PABPC1: variants seen among roughly 807,000 people sequenced by gnomAD.
PABPC1 encodes the protein poly(A) binding protein cytoplasmic 1, also known as polyadenylate-binding protein 1.
In PABPC1, 4 loss-of-function variants were observed where a neutral mutation model predicts 74.0. The observed-to-expected ratio is 0.05, with a 90% CI of 0.03 to 0.12. The LOEUF is 0.12. PABPC1 is among the 10% of genes least tolerant of loss of function. The pLI is 1.00. For synonymous variants in PABPC1, 227 were observed against 264.1 expected, an observed-to-expected ratio of 0.86 and a Z score of 1.36; for missense variants, 271 against 821.1, an observed-to-expected ratio of 0.33 and a Z score of 8.19.
At chr8:100,718,303 G>A (rs755692890) in intron 1 of PABPC1, 23 bp from the exon 2 acceptor site, 2 of 1,593,918 alleles carry the variant, frequency 1.3e-6, no homozygotes, top group South Asian at 1.1e-5. Context: ...CATTTTCAGA[G>A]TCAATATTAC....
intron 4 of PABPC1, 136 bp from the exon 5 acceptor site, chr8:100,713,317 C>T: frequency 1.9e-6 from 1 of 515,166 alleles, no homozygotes; most frequent in Non-Finnish European, 3.4e-6. Flanking sequence ...CCTTCTATGC[C>T]CCAGGTAGGT....
Position 100,713,114 on chromosome 8 carries a change from G to T in PABPC1, c.711C>A (p.Ser237Arg). Reference sequence around the variant, plus strand: ...TCTGTGCATCTTCATGCCTTTCAAAGCTTACAAATCCAAATCCTTTGGATT... The same window carrying T: ...TCTGTGCATCTTCATGCCTTTCAAATCTTACAAATCCAAATCCTTTGGATT... ...SGKSKGFGFV[S>R]FERHEDAQKA... Residue 237 changes from serine (S) to arginine (R), a missense_variant, in exon 5 of 15, where the codon AGC becomes AGA. Transcript: ENST00000318607. 1.2e-6 allele frequency: 2 copies of T among 1,611,234 alleles called. No homozygotes were observed. Among genetic ancestry groups the T allele is most frequent in the Admixed American group, 1.7e-5 (1 of 59,520 alleles).
At chr8:100,720,781 A>AT (rs1268585242) in intron 1 of PABPC1, among the ~76,000 whole-genome samples, 3 of 152,168 alleles carry the variant, frequency 2.0e-5, no homozygotes, top group African/African-American at 7.2e-5. Flanking sequence ...TCAGTCACTG[A>AT]TGAGTTCTGG....
intron 9 of PABPC1, 151 bp downstream of exon 9, chr8:100,708,982 A>C (rs1028190477): frequency 4.4e-6 from 3 of 688,730 alleles, no homozygotes; most frequent in Non-Finnish European, 7.6e-6. Flanking sequence ...CTATCTTAGC[A>C]CTGCTTTTAA....
In PABPC1 at chr8:100,721,853, G is replaced by C. The variant is rs1250980382; in HGVS notation, c.-270C>G. The C allele has an allele frequency of 2.8e-6, 1 of 351,466 alleles. No individual in the cohort carries two copies. The highest frequency in any genetic ancestry group is 5.1e-6 in the Non-Finnish European group (1 of 195,682). The allele number at this position is 351,466 out of a possible 1,614,324, so 21.8% of individuals were successfully genotyped here. On this transcript the variant is annotated 5_prime_UTR_variant, in exon 1 of 15. Coordinates refer to ENST00000318607, the MANE Select transcript of PABPC1 (RefSeq NM_002568.4). The surrounding 1 kb of genome is among the most constrained non-coding windows in gnomAD (Gnocchi z 7.4). ...GGTCTCTTGGTTCCTTCTTGGAGCT[G>C]CTGCGGGGCCGCGGGCGGGCGGGTC...
At chr8:100,711,997 C>T (rs1380004218) in intron 7 of PABPC1, among the ~76,000 whole-genome samples, 1 of 152,172 alleles carries the variant, frequency 6.6e-6, no homozygotes, top group African/African-American at 2.4e-5. Context: ...ATTCTTACTG[C>T]TAGGGGGCAG....
rs1450187668 is a variant in PABPC1, at chr8:100,713,174, G to C, written c.651C>G (p.Ala217=). 2 of 1,591,858 alleles carry C rather than the reference G, an allele frequency of 1.3e-6. No homozygotes were observed. The highest frequency in any genetic ancestry group is 2.7e-5 in the African/African-American group (2 of 73,526). ...CATCAGTCATTACTTTCACACTTAAGGCAGGCCCTAAAAAATTTTTTTACA... is the reference window on the plus strand; with the variant it reads ...CATCAGTCATTACTTTCACACTTAACGCAGGCCCTAAAAAATTTTTTTACA... ...LKDLFGKFGP[A]LSVKVMTDES... Residue 217 remains alanine (A), a synonymous_variant, in exon 5 of 15, where the codon GCC becomes GCG. Transcript: ENST00000318607.
chr8:100,709,991 G>A (rs759769983), intron 7 of PABPC1: 1 of 362,572 alleles, frequency 2.8e-6, no homozygotes, highest in Admixed American at 4.2e-5. Context: ...AAAGATTTTA[G>A]ATACTGAATT....
intron 11 of PABPC1, 59 bp downstream of exon 11, chr8:100,706,592 C>T (rs941760682): frequency 7.9e-5 from 120 of 1,510,346 alleles, no homozygotes; most frequent in Admixed American, 8.6e-5. Flanking sequence ...CAGCTGTCTT[C>T]ACACCTTTGA....
chr8:100,716,861 T>C (rs1025696882), intron 3 of PABPC1, among the ~76,000 whole-genome samples: 1 of 152,220 alleles, frequency 6.6e-6, no homozygotes, highest in Non-Finnish European at 1.5e-5. Context: ...GAAAGACACT[T>C]TGTGTATTTC....
In PABPC1 at chr8:100,721,956, T is replaced by C. The variant is rs546018780; in HGVS notation, c.-373A>G. ...AAGTCTCCGGCGGGGGAGACGCGGATTTTTTGTAAATTTTTTTGGGGTTTT... is the reference window on the plus strand; with the variant it reads ...AAGTCTCCGGCGGGGGAGACGCGGACTTTTTGTAAATTTTTTTGGGGTTTT... On this transcript the variant is annotated 5_prime_UTR_variant, in exon 1 of 15. Transcript: ENST00000318607. The surrounding 1 kb of genome is among the most constrained non-coding windows in gnomAD (Gnocchi z 7.4). 4 of 194,352 alleles carry C rather than the reference T, an allele frequency of 2.1e-5. No homozygotes were observed. In the East Asian group the frequency reaches 3.6e-4, roughly 17 times the overall value. The allele number at this position is 194,352 out of a possible 1,614,324, so 12.0% of individuals were successfully genotyped here. A position where few individuals can be genotyped will look rare whatever the true frequency, so the allele number is the denominator to read the frequency against.
At position 100,721,642 on chromosome 8, in the gene PABPC1, G is replaced by A. The variant is rs985354048; in HGVS notation, c.-59C>T. 21 of 1,332,862 alleles carry A rather than the reference G, an allele frequency of 1.6e-5. No homozygotes were observed. The highest frequency in any genetic ancestry group is 1.9e-5 in the Non-Finnish European group (19 of 1,015,392). The allele number at this position is 1,332,862 out of a possible 1,614,324, so 82.6% of individuals were successfully genotyped here. On this transcript the variant is annotated 5_prime_UTR_variant, in exon 1 of 15. Transcript: ENST00000318607. This position sits in a 1 kb window ranked among gnomAD's most constrained non-coding sequence, Gnocchi z 7.4. ...GACCTTTCCGTGAGAGGAGGAGAGCGAGTGCCGGGGCTGGGGGCCGGAGCC... is the reference window on the plus strand; with the variant it reads ...GACCTTTCCGTGAGAGGAGGAGAGCAAGTGCCGGGGCTGGGGGCCGGAGCC...
intron 12 of PABPC1, among the ~76,000 whole-genome samples, 195 bp downstream of exon 12, chr8:100,705,394 T>C (rs1810354227): frequency 6.6e-6 from 1 of 152,262 alleles, no homozygotes. Context: ...TACTACCCTA[T>C]TTATTACTAA....
rs79779017 is a variant in PABPC1, at chr8:100,703,118, T to C, written c.*243A>G. On this transcript the variant is annotated 3_prime_UTR_variant, in exon 15 of 15. Coordinates refer to ENST00000318607, the MANE Select transcript of PABPC1 (RefSeq NM_002568.4). Reference sequence around the variant, plus strand: ...TTTCCCAGGGTCTATAAAACATTAATTTGTTTTTATATTTTACTATTTTTT... The same window carrying C: ...TTTCCCAGGGTCTATAAAACATTAACTTGTTTTTATATTTTACTATTTTTT... 6.3e-6 allele frequency: 1 copy of C among 158,022 alleles called. No individual in the cohort carries two copies. The highest frequency in any genetic ancestry group is 1.5e-5 in the Non-Finnish European group (1 of 66,324). 9.8% of individuals were successfully genotyped at this position (158,022 alleles called of 1,614,324 possible).
rs577236896 is a variant in PABPC1, at chr8:100,721,632, G to A, written c.-49C>T. 155 of 1,402,600 alleles carry A rather than the reference G, an allele frequency of 1.1e-4. No individual in the cohort carries two copies. Among genetic ancestry groups the A allele is most frequent in the Middle Eastern group, 8.0e-4 (3 of 3,742 alleles). The allele number at this position is 1,402,600 out of a possible 1,614,324, so 86.9% of individuals were successfully genotyped here. ...CACAGGCCGCGACCTTTCCGTGAGA[G>A]GAGGAGAGCGAGTGCCGGGGCTGGG... On this transcript the variant is annotated 5_prime_UTR_variant, in exon 1 of 15. Coordinates refer to ENST00000318607, the MANE Select transcript of PABPC1 (RefSeq NM_002568.4). This position sits in a 1 kb window ranked among gnomAD's most constrained non-coding sequence, Gnocchi z 7.4.
intron 3 of PABPC1, among the ~76,000 whole-genome samples, chr8:100,716,669 C>G (rs1190928826): frequency 6.6e-6 from 1 of 152,212 alleles, no homozygotes; most frequent in Non-Finnish European, 1.5e-5. Flanking sequence ...CCATCACTTT[C>G]TGCTTTGTAA....
intron 7 of PABPC1, among the ~76,000 whole-genome samples, chr8:100,710,385 A>G (rs1446568359): frequency 6.6e-6 from 1 of 152,234 alleles, no homozygotes; most frequent in East Asian, 1.9e-4. Context: ...TGCGAGTGGC[A>G]TAGGAACAAA....
intron 14 of PABPC1, chr8:100,704,054 C>CAA (rs34116624): frequency 0.014 from 2,478 of 175,990 alleles, 11 homozygotes; most frequent in Middle Eastern, 0.024. Context: ...AACTCCATCT[C>CAA]AAAAAAAAAA....
At chr8:100,715,675 GTT>G (rs893794762) in intron 3 of PABPC1, 74 bp from the exon 4 acceptor site, 8 of 1,063,186 alleles carry the variant, frequency 7.5e-6, no homozygotes, top group Non-Finnish European at 9.3e-6. Context: ...CTGATGGTTG[GTT>G]TTGTTACTGT....
Sources: allele counts gnomAD v4.1 joint callset (sites outside exome capture counted in the v4.1 genomes callset), GRCh38; gene constraint gnomAD v4.1.1; non-coding constraint Gnocchi (gnomAD v3.1); transcripts MANE v1.5; gene names NCBI Gene and HGNC (gene_info 2026-07-23, HGNC 2026-07-21).